The following LZTFL1 variants were observed in gnomAD, a reference collection of about 807,000 sequenced individuals.
LZTFL1 encodes the protein leucine zipper transcription factor-like protein 1.
Under a neutral mutation model 45.9 loss-of-function variants are expected in LZTFL1, and 25 were observed. That is an observed-to-expected ratio of 0.54 (90% confidence interval 0.40 to 0.76). The LOEUF is 0.76. Ranked by LOEUF, LZTFL1 falls within the 30% of genes least tolerant of loss-of-function variation. The probability of loss-of-function intolerance (pLI) is 0.00; values close to 1 mark genes in which losing one functional copy is unlikely to be tolerated. For missense variants in LZTFL1, 277 were observed against 331.1 expected (o/e 0.84, Z 1.27); for synonymous variants, 93 against 117.4 (o/e 0.79, Z 1.35).
At chr3:45,861,617 C>T (rs1701492494) in intron 2 of LZTFL1, among the ~76,000 whole-genome samples, 1 of 152,130 alleles carries the variant, frequency 6.6e-6, no homozygotes, top group African/African-American at 2.4e-5. Context: ...TGTGTTTGTG[C>T]CTCTCTGTGC....
chr3:45,898,643 A>G (rs1034377627), intron 2 of LZTFL1, among the ~76,000 whole-genome samples: 10 of 152,230 alleles, frequency 6.6e-5, no homozygotes, highest in African/African-American at 2.2e-4. Context: ...TTGTCATCCA[A>G]GTTACCTTGG....
At chr3:45,846,160 C>T (rs1701213769), upstream of LZTFL1, among the ~76,000 whole-genome samples, 1 of 152,196 alleles carries the variant, frequency 6.6e-6, no homozygotes, top group Non-Finnish European at 1.5e-5. Flanking sequence ...CATGCCCTCT[C>T]TTGGAAAGCA....
chr3:45,910,168 G>C (rs528588816), intron 2 of LZTFL1, among the ~76,000 whole-genome samples: 30 of 152,270 alleles, frequency 2.0e-4, no homozygotes, highest in African/African-American at 7.0e-4. Context: ...AAGAAGGGTG[G>C]TGGCTGGGGG....
intron 1 of LZTFL1, among the ~76,000 whole-genome samples, chr3:45,914,287 ATT>A (rs61169591): frequency 0.42 from 59,777 of 142,378 alleles, 12,588 homozygotes; most frequent in East Asian, 0.62. Flanking sequence ...ATGGATCTGC[ATT>A]TTTTTTTTTT....
At chr3:45,878,851 C>T (rs531932798) in intron 2 of LZTFL1, among the ~76,000 whole-genome samples, 6 of 152,150 alleles carry the variant, frequency 3.9e-5, no homozygotes, top group East Asian at 1.9e-4. Context: ...GAGGCTGAGG[C>T]GGGCAGATCA....
At chr3:45,914,200 C>T (rs1165984177) in intron 1 of LZTFL1, among the ~76,000 whole-genome samples, 1 of 152,156 alleles carries the variant, frequency 6.6e-6, no homozygotes, top group African/African-American at 2.4e-5. Context: ...TTCACCAGGA[C>T]CACCTGCTCC....
intron 2 of LZTFL1, chr3:45,894,922 G>C (rs200276505): frequency 3.1e-6 from 5 of 1,613,858 alleles, no homozygotes; most frequent in Admixed American, 3.3e-5. Context: ...GCTTGCATCT[G>C]ACTGACCCAC....
At chr3:45,853,578 C>T (rs1465490103) in intron 4 of LZTFL1, among the ~76,000 whole-genome samples, 1 of 152,178 alleles carries the variant, frequency 6.6e-6, no homozygotes, top group African/African-American at 2.4e-5. Flanking sequence ...TACTGATTCG[C>T]AAGAACTCTT....
intron 1 of LZTFL1, among the ~76,000 whole-genome samples, chr3:45,838,264 T>C (rs1335228114): frequency 2.0e-5 from 3 of 152,146 alleles, no homozygotes; most frequent in Non-Finnish European, 2.9e-5. Context: ...CAGCAATGAA[T>C]GTTGTGGTCT....
chr3:45,889,169 G>T (rs1702070022), intron 2 of LZTFL1, among the ~76,000 whole-genome samples: 1 of 152,120 alleles, frequency 6.6e-6, no homozygotes, highest in East Asian at 1.9e-4. Flanking sequence ...ATTTTTTGTA[G>T]AGATGGGGTC....
intron 2 of LZTFL1, chr3:45,859,093 C>G (rs1175429741): frequency 1.3e-5 from 2 of 152,220 alleles, no homozygotes; most frequent in Non-Finnish European, 2.9e-5. Flanking sequence ...GATTTCTATT[C>G]TCCTGGATGG....
At chr3:45,908,933 C>T (rs1702735839) in intron 2 of LZTFL1, among the ~76,000 whole-genome samples, 1 of 152,146 alleles carries the variant, frequency 6.6e-6, no homozygotes, top group Admixed American at 6.5e-5. Context: ...AGTGAAGCTT[C>T]GTCTGTATTT....
At chr3:45,913,300 C>A in intron 1 of LZTFL1, 3 of 691,064 alleles carry the variant, frequency 4.3e-6, no homozygotes, top group East Asian at 2.9e-5. Context: ...CCTAAAGATC[C>A]TTAACTTTTT....
rs761438083 is a variant in LZTFL1, at chr3:45,901,610, G to A, written c.-215+11510C>T. On this transcript the variant is annotated intron_variant, in intron 2 of 4. Coordinates refer to the LZTFL1 transcript ENST00000472635. This position sits in a 1 kb window ranked among gnomAD's most constrained non-coding sequence, Gnocchi z 4.3. Reference sequence around the variant, plus strand: ...CTCAGTTTCCCTACAACTGCATTTTGTTGGTGCAGACCATTGACGCCTATG... The same window carrying A: ...CTCAGTTTCCCTACAACTGCATTTTATTGGTGCAGACCATTGACGCCTATG... The A allele has an allele frequency of 2.2e-5, 35 of 1,614,084 alleles. No individual in the cohort carries two copies. The highest frequency in any genetic ancestry group is 2.5e-5 in the Non-Finnish European group (30 of 1,180,040).
Position 45,901,895 on chromosome 3 carries a change from C to T in LZTFL1, c.-215+11225G>A. 1.1e-5 allele frequency: 18 copies of T among 1,585,952 alleles called. No individual in the cohort carries two copies. Among genetic ancestry groups the T allele is most frequent in the Non-Finnish European group, 1.5e-5 (18 of 1,163,678 alleles). ...AGACAACCTCAGGAGCACTCTCCCT[C>T]TGAGGGGTCTTCTCTGAGGTGCATG... On this transcript the variant is annotated intron_variant, in intron 2 of 4. Coordinates refer to the LZTFL1 transcript ENST00000472635. This position sits in a 1 kb window ranked among gnomAD's most constrained non-coding sequence, Gnocchi z 4.3.
chr3:45,867,923 C>T (rs1559414055), intron 2 of LZTFL1, among the ~76,000 whole-genome samples: 1 of 151,992 alleles, frequency 6.6e-6, no homozygotes, highest in Non-Finnish European at 1.5e-5. Context: ...GTTCCATGTT[C>T]TGTCTCTGGA....
intron 1 of LZTFL1, chr3:45,913,257 C>T (rs2125775634): frequency 3.8e-6 from 4 of 1,055,404 alleles, no homozygotes; most frequent in Non-Finnish European, 5.5e-6. Context: ...ATGAGCTGAT[C>T]TTTCTCTTGT....
chr3:45,858,667 T>C (rs1701432620), intron 3 of LZTFL1, among the ~76,000 whole-genome samples: 1 of 152,250 alleles, frequency 6.6e-6, no homozygotes, highest in Admixed American at 6.5e-5. Context: ...ACAACTGTTT[T>C]GAAAGTGCCT....
chr3:45,898,027 CA>C lies in LZTFL1; in HGVS notation c.-215+15092del, dbSNP rs111468341. The stretch of plus-strand genomic sequence containing the variant: ...ACACAAAACACCAACCCACAAATAA[CA>C]AAAAAAAAACTTCAAAAGCAAGTTT... On this transcript the variant is annotated intron_variant, in intron 2 of 4. Coordinates refer to the LZTFL1 transcript ENST00000472635. 9.4e-4 allele frequency among the ~76,000 whole-genome samples: 119 copies of C among 126,678 alleles called. 1 individual carries two copies. Among genetic ancestry groups the C allele is most frequent in the African/African-American group, 3.1e-3 (108 of 35,110 alleles). 83.1% of individuals were successfully genotyped at this position (126,678 alleles called of 152,430 possible). A position where few individuals can be genotyped will look rare whatever the true frequency, so the allele number is the denominator to read the frequency against.
Sources: allele counts gnomAD v4.1 joint callset (sites outside exome capture counted in the v4.1 genomes callset), GRCh38; gene constraint gnomAD v4.1.1; non-coding constraint Gnocchi (gnomAD v3.1); transcripts MANE v1.5; gene names NCBI Gene and HGNC (gene_info 2026-07-23, HGNC 2026-07-21).